Variants in MEGF11 observed in about 807,000 individuals in gnomAD.
The protein encoded by MEGF11 is multiple epidermal growth factor-like domains protein 11.
MEGF11 carries 126 observed loss-of-function variants against 146.6 expected under a neutral mutation model. The observed-to-expected ratio is 0.86, with a 90% CI of 0.74 to 1.00. MEGF11 has a LOEUF of 1.00. Among genes scored for constraint, MEGF11 ranks in the 50% least tolerant of loss-of-function variants. The pLI, the probability that MEGF11 is intolerant of heterozygous loss-of-function variation, is 0.00. For synonymous variants in MEGF11, 532 were observed against 583.4 expected, an observed-to-expected ratio of 0.91 and a Z score of 1.27; for missense variants, 1,509 against 1,521.2, an observed-to-expected ratio of 0.99 and a Z score of 0.13.
At chr15:66,234,796 G>T (rs1029489553) in intron 1 of MEGF11, among the ~76,000 whole-genome samples, 1 of 152,172 alleles carries the variant, frequency 6.6e-6, no homozygotes. Context: ...GAAGCAGTCG[G>T]TTCAGGATCC....
chr15:66,211,311 C>T (rs2091440178), intron 1 of MEGF11, among the ~76,000 whole-genome samples: 1 of 152,160 alleles, frequency 6.6e-6, no homozygotes, highest in African/African-American at 2.4e-5. Context: ...ATCACGAAGT[C>T]AGGAGATCGA....
chr15:65,964,807 G>T, intron 9 of MEGF11, 101 bp downstream of exon 9: 1 of 1,133,080 alleles, frequency 8.8e-7, no homozygotes, highest in Non-Finnish European at 1.2e-6. Context: ...CCACCTGCCT[G>T]GATGTCCATG....
intron 1 of MEGF11, among the ~76,000 whole-genome samples, chr15:66,251,752 T>C (rs1319232011): frequency 6.6e-6 from 1 of 152,246 alleles, no homozygotes. Context: ...TCCTCCCGTA[T>C]AGCAGCTCTA....
chr15:66,111,590 C>T (rs1196790297), intron 4 of MEGF11, among the ~76,000 whole-genome samples: 1 of 152,184 alleles, frequency 6.6e-6, no homozygotes, highest in Non-Finnish European at 1.5e-5. Context: ...GGCTGGGAGC[C>T]AGGGACTTCA....
At chr15:66,142,250 A>G (rs1403418508) in intron 1 of MEGF11, among the ~76,000 whole-genome samples, 2 of 152,174 alleles carry the variant, frequency 1.3e-5, no homozygotes, top group Non-Finnish European at 1.5e-5. Flanking sequence ...TTGCTCATGG[A>G]GCCCCCGCGA....
chr15:66,076,763 G>A (rs1057385261), intron 5 of MEGF11, among the ~76,000 whole-genome samples: 1 of 152,170 alleles, frequency 6.6e-6, no homozygotes, highest in Non-Finnish European at 1.5e-5. Flanking sequence ...GTCATCTTCT[G>A]CCCAGATCCA....
At chr15:66,169,712 TC>T (rs2090194092) in intron 1 of MEGF11, among the ~76,000 whole-genome samples, 1 of 152,270 alleles carries the variant, frequency 6.6e-6, no homozygotes, top group Non-Finnish European at 1.5e-5. Flanking sequence ...TTGCAGCTAA[TC>T]CTTGTGAAGA....
chr15:66,031,426 C>A (rs1290052602), intron 5 of MEGF11, among the ~76,000 whole-genome samples: 1 of 152,188 alleles, frequency 6.6e-6, no homozygotes, highest in Non-Finnish European at 1.5e-5. Context: ...GCAAATGTCA[C>A]TTTGAGATCA....
At chr15:65,965,213 GC>G in intron 8 of MEGF11, 93 bp from the exon 9 acceptor site, 3 of 1,088,748 alleles carry the variant, frequency 2.8e-6, no homozygotes, top group Non-Finnish European at 2.6e-6. Context: ...TGGCCATCTG[GC>G]CCAGGCCTGG....
At chr15:66,189,366 G>T (rs1051613413) in intron 1 of MEGF11, among the ~76,000 whole-genome samples, 1 of 152,140 alleles carries the variant, frequency 6.6e-6, no homozygotes, top group South Asian at 2.1e-4. Flanking sequence ...ACGAATGTGG[G>T]TATCACACTT....
At chr15:65,910,718 C>T (rs2078775105) in intron 21 of MEGF11, among the ~76,000 whole-genome samples, 1 of 152,154 alleles carries the variant, frequency 6.6e-6, no homozygotes, top group Non-Finnish European at 1.5e-5. Context: ...TATTGCTGGA[C>T]CAGGTCTGTA....
At chr15:66,057,708 AC>A (rs1157661338) in intron 5 of MEGF11, among the ~76,000 whole-genome samples, 1 of 152,056 alleles carries the variant, frequency 6.6e-6, no homozygotes, top group Non-Finnish European at 1.5e-5. Context: ...CAGGTCCCCT[AC>A]CCTTTAAATA....
At chr15:66,239,848 G>C (rs1255683529) in intron 1 of MEGF11, among the ~76,000 whole-genome samples, 2 of 152,192 alleles carry the variant, frequency 1.3e-5, no homozygotes, top group African/African-American at 4.8e-5. Context: ...GAGGTGCAAG[G>C]GAGTTAATGC....
chr15:65,903,448 A>G (rs1346809843), intron 24 of MEGF11, among the ~76,000 whole-genome samples: 1 of 152,090 alleles, frequency 6.6e-6, no homozygotes, highest in Non-Finnish European at 1.5e-5. Flanking sequence ...AGTAAGTAAC[A>G]GGGGAAAGGG....
intron 5 of MEGF11, among the ~76,000 whole-genome samples, chr15:66,017,270 T>C (rs1175416655): frequency 6.6e-6 from 1 of 152,182 alleles, no homozygotes; most frequent in African/African-American, 2.4e-5. Context: ...CTCAGGGAAC[T>C]GCTGGTGCCC....
chr15:65,943,289 A>C (rs1316491085), intron 10 of MEGF11, among the ~76,000 whole-genome samples: 1 of 152,160 alleles, frequency 6.6e-6, no homozygotes, highest in Non-Finnish European at 1.5e-5. Context: ...AAACCTTGTC[A>C]TTTTTAAGTG....
At chr15:66,070,032 C>T (rs1382112021) in intron 5 of MEGF11, among the ~76,000 whole-genome samples, 3 of 152,222 alleles carry the variant, frequency 2.0e-5, no homozygotes, top group South Asian at 2.1e-4. Context: ...GCCTAGGCTC[C>T]TCTTTCCCTT....
intron 5 of MEGF11, among the ~76,000 whole-genome samples, chr15:66,089,628 C>T (rs956447591): frequency 1.3e-5 from 2 of 152,138 alleles, no homozygotes; most frequent in Non-Finnish European, 2.9e-5. Flanking sequence ...TCTTGGGCAT[C>T]GTTTATAAAA....
At chr15:66,026,465 T>G (rs1300848454) in intron 5 of MEGF11, among the ~76,000 whole-genome samples, 2 of 152,198 alleles carry the variant, frequency 1.3e-5, no homozygotes, top group African/African-American at 4.8e-5. Context: ...TGGAGCCTGA[T>G]GACCTGTATT....
Sources: gnomAD v4.1 joint callset for allele counts (sites outside exome capture counted in the v4.1 genomes callset) on GRCh38, gnomAD v4.1.1 for gene constraint, MANE v1.5 for transcripts, NCBI Gene and HGNC (gene_info 2026-07-23, HGNC 2026-07-21) for gene names.